Variants in SDS observed in about 807,000 individuals in gnomAD.
The protein encoded by SDS is serine dehydratase.
Under a neutral mutation model 29.3 loss-of-function variants are expected in SDS, and 19 were observed. That is an observed-to-expected ratio of 0.65 (90% CI 0.45 to 0.95). The LOEUF (loss-of-function observed/expected upper bound fraction) is 0.95. Among genes scored for constraint, SDS ranks in the 40% least tolerant of loss-of-function variants. The pLI is 0.00. For missense variants in SDS, 375 were observed against 439.9 expected, an observed-to-expected ratio of 0.85 and a Z score of 1.32; for synonymous variants, 176 against 189.0, an observed-to-expected ratio of 0.93 and a Z score of 0.56.
intron 6 of SDS, among the ~76,000 whole-genome samples, chr12:113,394,707 A>C (rs1957634665): frequency 6.6e-6 from 1 of 152,028 alleles, no homozygotes; most frequent in South Asian, 2.1e-4. Context: ...TATTCTGATC[A>C]ACACTAAGTC....
Position 113,392,716 on chromosome 12 carries a change from A to C in SDS, c.*225T>G. The C allele has an allele frequency of 1.8e-6, 1 of 546,446 alleles. No individual in the cohort carries two copies. Among genetic ancestry groups the C allele is most frequent in the Non-Finnish European group, 3.2e-6 (1 of 309,964 alleles). 33.8% of individuals were successfully genotyped at this position (546,446 alleles called of 1,614,324 possible). ...CACTTGTCACGCCAGCAAGTTGGCT[A>C]AGGATGGGCACAGAGCAGTCACACA... On this transcript the variant is annotated 3_prime_UTR_variant, in exon 8 of 8. Transcript: ENST00000257549.
At chr12:113,393,327 G>T (rs1957623468) in intron 7 of SDS, among the ~76,000 whole-genome samples, 178 bp from the exon 8 acceptor site, 1 of 152,246 alleles carries the variant, frequency 6.6e-6, no homozygotes, top group African/African-American at 2.4e-5. Context: ...CCAAGCCTGA[G>T]CCAGGGCCTG....
rs1957617940 is a variant in SDS at position 113,392,646 on chromosome 12, T to C, written c.*295A>G. 1 of 392,534 alleles carries C rather than the reference T, an allele frequency of 2.5e-6. No homozygotes were observed. Among genetic ancestry groups the C allele is most frequent in the Admixed American group, 4.6e-5 (1 of 21,806 alleles). 24.3% of individuals were successfully genotyped at this position (392,534 alleles called of 1,614,324 possible). A position where few individuals can be genotyped will look rare whatever the true frequency, so the allele number is the denominator to read the frequency against. On this transcript the variant is annotated 3_prime_UTR_variant, in exon 8 of 8. Coordinates refer to ENST00000257549, the MANE Select transcript of SDS (RefSeq NM_006843.3). ...ATTCCTCACTGCTGTGATTCAGGTC[T>C]CTCCTGTCCACCCTGCTCTGGGTAC...
intron 1 of SDS, among the ~76,000 whole-genome samples, chr12:113,401,574 G>C (rs951733642): frequency 1.3e-5 from 2 of 152,128 alleles, no homozygotes; most frequent in African/African-American, 4.8e-5. Flanking sequence ...TTGGTACACA[G>C]CAACAGGAAG....
In SDS at chr12:113,397,299, C is replaced by T. The variant is rs750546750; in HGVS notation, c.519G>A (p.Leu173=). 2 of 1,614,178 alleles carry T rather than the reference C, an allele frequency of 1.2e-6. No homozygotes were observed. The highest frequency in any genetic ancestry group is 2.2e-5 in the South Asian group (2 of 91,078). The change falls in exon 6 of 8, where the codon CTG becomes CTA. Residue 173 remains leucine (L), a synonymous_variant. Coordinates refer to ENST00000257549, the MANE Select transcript of SDS (RefSeq NM_006843.3). ...CCTGCAGCCCCTGGACCACTCCACA[C>T]AGCAGGCCCCCGCCGCCCACTGACA... ...IALSVGGGGL[L]CGVVQGLQEV...
At chr12:113,396,801 A>G (rs1957649718) in intron 6 of SDS, 1 of 280,210 alleles carries the variant, frequency 3.6e-6, no homozygotes, top group Non-Finnish European at 6.9e-6. Context: ...AATTTAAAAA[A>G]AAAACAAAAA....
In SDS at chr12:113,399,551, C is replaced by T. The variant is rs2303622; in HGVS notation, c.153+5G>A. ...TGCCCAGATAATGCTGACCCGGTCC[C>T]GTACCCTCTTGCAGAAGTGCCCAAT... On this transcript the variant is annotated splice_donor_5th_base_variant and intron_variant, in intron 2 of 7. Coordinates refer to ENST00000257549, the MANE Select transcript of SDS (RefSeq NM_006843.3). The T allele has an allele frequency of 7.3e-5, 115 of 1,575,098 alleles. No homozygotes were observed. In the East Asian group the frequency reaches 1.3e-3, roughly 17 times the overall value.
rs565900434 is a variant in SDS, at chr12:113,394,343, G to GTT, written c.654-329_654-328dup. Among the ~76,000 whole-genome samples, 296 of 132,068 alleles carry GTT rather than the reference G, an allele frequency of 2.2e-3. 2 individuals carry two copies. The highest frequency in any genetic ancestry group is 7.7e-3 in the African/African-American group (270 of 34,888). 86.6% of individuals were successfully genotyped at this position (132,068 alleles called of 152,430 possible). On this transcript the variant is annotated intron_variant, in intron 6 of 7. Transcript: ENST00000257549. ...TTGTTTGTTTTTTTGTTGTTTTTTT[G>GTT]TTTTTTTTTTTTTTTAGACGGAGTC...
intron 1 of SDS, among the ~76,000 whole-genome samples, chr12:113,401,684 C>T (rs557103354): frequency 1.3e-5 from 2 of 152,294 alleles, no homozygotes; most frequent in African/African-American, 2.4e-5. Context: ...GCTCTCTCTG[C>T]GACCCATGGG....
chr12:113,401,764 C>T (rs1957685850), intron 1 of SDS, among the ~76,000 whole-genome samples: 1 of 152,124 alleles, frequency 6.6e-6, no homozygotes, highest in Non-Finnish European at 1.5e-5. Flanking sequence ...GGGGTCTAGC[C>T]ACAGCCACGT....
At position 113,399,271 on chromosome 12, in the gene SDS, T is replaced by C. The variant is rs1411917394; in HGVS notation, c.154-120A>G. ...ACACGGACGTTTCCTTCACTCAGAA[T>C]TTGTTCTACCCTTGTCTGAGACTGC... On this transcript the variant is annotated intron_variant, in intron 2 of 7. Transcript: ENST00000257549. 4 of 1,137,652 alleles carry C rather than the reference T, an allele frequency of 3.5e-6. No individual in the cohort carries two copies. The East Asian group carries it at 1.0e-4, about 29-fold the overall frequency. 70.5% of individuals were successfully genotyped at this position (1,137,652 alleles called of 1,614,324 possible).
chr12:113,394,344 T>G (rs1957632224), intron 6 of SDS, among the ~76,000 whole-genome samples: 1 of 124,764 alleles, frequency 8.0e-6, no homozygotes, highest in Non-Finnish European at 1.7e-5. Flanking sequence ...TGTTTTTTTG[T>G]TTTTTTTTTT....
chr12:113,401,103 G>A (rs1957682405), intron 1 of SDS, among the ~76,000 whole-genome samples: 1 of 152,044 alleles, frequency 6.6e-6, no homozygotes, highest in Non-Finnish European at 1.5e-5. Context: ...TACAGATCGA[G>A]ACTCTGTCTC....
chr12:113,402,649 G>A (rs560225360), intron 1 of SDS, among the ~76,000 whole-genome samples: 1 of 152,334 alleles, frequency 6.6e-6, no homozygotes, highest in Admixed American at 6.5e-5. Flanking sequence ...GACAATCGGG[G>A]TGGGAGTCAG....
At chr12:113,394,784 C>T (rs1957634982) in intron 6 of SDS, among the ~76,000 whole-genome samples, 1 of 152,142 alleles carries the variant, frequency 6.6e-6, no homozygotes, top group South Asian at 2.1e-4. Context: ...CTCCGGGTTA[C>T]AACCGCTACC....
intron 5 of SDS, among the ~76,000 whole-genome samples, chr12:113,397,875 A>G (rs555563898): frequency 6.6e-6 from 1 of 152,000 alleles, no homozygotes; most frequent in Non-Finnish European, 1.5e-5. Context: ...TCACCTCCCA[A>G]ATAAACTCCT....
chr12:113,398,937 T>C (rs1593298634), intron 3 of SDS, 91 bp from the exon 4 acceptor site: 2 of 1,520,326 alleles, frequency 1.3e-6, no homozygotes, highest in South Asian at 2.5e-5. Flanking sequence ...GCTCTGGAGT[T>C]CCCCCCTCAC....
At chr12:113,394,411 C>T (rs1223057886) in intron 6 of SDS, among the ~76,000 whole-genome samples, 2 of 150,632 alleles carry the variant, frequency 1.3e-5, no homozygotes, top group African/African-American at 2.4e-5. Context: ...GCGATCTCAG[C>T]TCACTGCAAT....
intron 1 of SDS, among the ~76,000 whole-genome samples, chr12:113,400,162 G>A (rs1037625155): frequency 3.3e-5 from 5 of 152,124 alleles, no homozygotes; most frequent in East Asian, 1.9e-4. Flanking sequence ...GCATGGTGGC[G>A]CACGCCTGTA....
Sources: allele counts gnomAD v4.1 joint callset (sites outside exome capture counted in the v4.1 genomes callset), GRCh38; gene constraint gnomAD v4.1.1; transcripts MANE v1.5; gene names NCBI Gene and HGNC (gene_info 2026-07-23, HGNC 2026-07-21).